CTNNA1: variants seen among roughly 807,000 people sequenced by gnomAD.
The protein encoded by CTNNA1 is catenin alpha-1.
Under a neutral mutation model 98.4 loss-of-function variants are expected in CTNNA1, and 37 were observed. That is an observed-to-expected ratio of 0.38 (90% CI 0.29 to 0.49). The LOEUF (loss-of-function observed/expected upper bound fraction) is 0.49. Ranked by LOEUF, CTNNA1 falls within the 20% of genes least tolerant of loss-of-function variation. CTNNA1 has a pLI of 0.95. For missense variants in CTNNA1, 761 were observed against 1,147.2 expected (o/e 0.66, Z 4.86); for synonymous variants, 404 against 413.2 (o/e 0.98, Z 0.27).
intron 1 of CTNNA1, among the ~76,000 whole-genome samples, chr5:138,775,804 C>T (rs559804601): frequency 6.8e-6 from 1 of 146,108 alleles, no homozygotes; most frequent in South Asian, 2.2e-4. Context: ...TTCACTGCAA[C>T]CTCCGCCTCC....
At position 138,873,539 on chromosome 5, in the gene CTNNA1, C is replaced by G. The variant is rs537690931; in HGVS notation, c.1063-12673C>G. 7.4e-6 allele frequency: 12 copies of G among 1,613,866 alleles called. No individual in the cohort carries two copies. The African/African-American group carries it at 1.5e-4, about 20-fold the overall frequency. On this transcript the variant is annotated intron_variant, in intron 7 of 17. Coordinates refer to ENST00000302763, the MANE Select transcript of CTNNA1 (RefSeq NM_001903.5). The surrounding 1 kb of genome is among the most constrained non-coding windows in gnomAD (Gnocchi z 6.1). The stretch of plus-strand genomic sequence containing the variant: ...ATCCTCTCCTTGGGTGTGGTCAGGA[C>G]TGTGGCATAGGATGGAGTGTTCCCA...
intron 7 of CTNNA1, chr5:138,869,471 C>T (rs1439121800): frequency 6.6e-6 from 1 of 151,410 alleles, no homozygotes; most frequent in Non-Finnish European, 1.5e-5. Flanking sequence ...CGCTGTATTC[C>T]TGTATTAGGA....
intron 9 of CTNNA1, among the ~76,000 whole-genome samples, chr5:138,893,414 G>A (rs1339610598): frequency 1.3e-5 from 2 of 151,938 alleles, no homozygotes; most frequent in Admixed American, 6.6e-5. Flanking sequence ...TCTTATGTAT[G>A]GCTTTGAAAC....
rs199994641 is a variant in CTNNA1, at chr5:138,933,926, A to G, written c.2558A>G (p.Asn853Ser). The change falls in exon 18 of 18, where the codon AAC becomes AGC. Residue 853 changes from asparagine to serine, a missense_variant. By Grantham distance (46) the Asn-to-Ser change is conservative (BLOSUM62 1). Around this residue, in one of 6 missense-constraint regions of CTNNA1, gnomAD observed 57 missense variants for 90.9 expected, o/e 0.63. Coordinates refer to ENST00000302763, the MANE Select transcript of CTNNA1 (RefSeq NM_001903.5). ...YQKSQGMASL[N>S]LPAVSWKMKA... is the part of the protein sequence containing the mutation. Reference sequence around the variant, plus strand: ...AAGTCACAGGGTATGGCTTCCCTCAACCTTCCTGCTGTGTCATGGAAGATG... The same window carrying G: ...AAGTCACAGGGTATGGCTTCCCTCAGCCTTCCTGCTGTGTCATGGAAGATG... The G allele has an allele frequency of 8.1e-5, 131 of 1,614,022 alleles. No homozygotes were observed. The highest frequency in any genetic ancestry group is 1.1e-4 in the Non-Finnish European group (125 of 1,180,040).
intron 11 of CTNNA1, among the ~76,000 whole-genome samples, chr5:138,920,169 A>G (rs1229273735): frequency 6.6e-6 from 1 of 151,834 alleles, no homozygotes; most frequent in African/African-American, 2.4e-5. Flanking sequence ...TAGGAGAGAC[A>G]AGGTTTCACC....
chr5:138,824,644 G>A lies in CTNNA1; in HGVS notation c.703G>A (p.Ala235Thr), dbSNP rs548392885. The A allele has an allele frequency of 1.8e-5, 29 of 1,614,026 alleles. No homozygotes were observed. Among genetic ancestry groups the A allele is most frequent in the African/African-American group, 5.3e-5 (4 of 74,900 alleles). Residue 235 changes from alanine to threonine, a missense_variant, in exon 6 of 18, where the codon GCA (alanine) becomes ACA (threonine). This residue lies in a region of CTNNA1 where 328 missense variants were observed against 354.3 expected (regional missense o/e 0.93). Coordinates refer to ENST00000302763, the MANE Select transcript of CTNNA1 (RefSeq NM_001903.5). ...SQACLQHPDV[A>T]AYKANRDLIY... ...GGCATGCCTACAGCACCCTGATGTC[G>A]CAGCCTATAAGGCCAACAGGGACCT...
intron 9 of CTNNA1, among the ~76,000 whole-genome samples, chr5:138,895,054 C>T (rs1756462570): frequency 6.6e-6 from 1 of 152,046 alleles, no homozygotes; most frequent in Non-Finnish European, 1.5e-5. Flanking sequence ...ATTTGTCTGG[C>T]CCCCACCCCA....
intron 7 of CTNNA1, among the ~76,000 whole-genome samples, chr5:138,876,448 C>T (rs1457193438): frequency 2.6e-5 from 4 of 152,206 alleles, no homozygotes; most frequent in Admixed American, 6.5e-5. Context: ...TTTCAGACCT[C>T]AGTTGTGGAT....
intron 3 of CTNNA1, among the ~76,000 whole-genome samples, chr5:138,799,650 C>G (rs778713684): frequency 1.3e-5 from 2 of 148,816 alleles, no homozygotes; most frequent in African/African-American, 2.5e-5. Flanking sequence ...GTAAGGATGA[C>G]CATTCAGAAG....
At chr5:138,924,302 C>G (rs1763549687) in intron 11 of CTNNA1, among the ~76,000 whole-genome samples, 1 of 86,108 alleles carries the variant, frequency 1.2e-5, no homozygotes, top group African/African-American at 3.5e-5. Flanking sequence ...TTTTAAAAAC[C>G]TGGAATGAAG....
At chr5:138,847,804 C>T (rs909083995) in intron 7 of CTNNA1, among the ~76,000 whole-genome samples, 27 of 152,150 alleles carry the variant, frequency 1.8e-4, no homozygotes, top group African/African-American at 6.5e-4. Flanking sequence ...GGGCAACTCC[C>T]ATTTCTGTTG....
At chr5:138,769,140 G>A (rs187961969) in intron 1 of CTNNA1, among the ~76,000 whole-genome samples, 163 of 151,844 alleles carry the variant, frequency 1.1e-3, no homozygotes, top group Middle Eastern at 3.4e-3. Flanking sequence ...TGATCCTCCC[G>A]CCTTGGCCTC....
chr5:138,825,482 G>GTTTTTTGTTTTTTTTTTTTTTTTTT (rs1554085136), intron 6 of CTNNA1, among the ~76,000 whole-genome samples: 1 of 74,114 alleles, frequency 1.3e-5, no homozygotes, highest in African/African-American at 5.8e-5. Flanking sequence ...AGCAGTATAA[G>GTTTTTTGTTTTTTTTTTTTTTTTTT]TTTTTTTTTT....
Position 138,934,090 on chromosome 5 carries a change from G to A in CTNNA1, c.*1G>A. 6.2e-7 allele frequency: 1 copy of A among 1,608,758 alleles called. No individual in the cohort carries two copies. On this transcript the variant is annotated 3_prime_UTR_variant, in exon 18 of 18. Transcript: ENST00000302763. Reference sequence around the variant, plus strand: ...GTTCAAAGCTATGGACAGCATCTAAGTCTGCCCAGGCCGGCCGCCCCCACC... The same window carrying A: ...GTTCAAAGCTATGGACAGCATCTAAATCTGCCCAGGCCGGCCGCCCCCACC...
chr5:138,756,447 G>A lies in CTNNA1; in HGVS notation c.-3+2937G>A, dbSNP rs1164238640. Among the ~76,000 whole-genome samples the A allele has an allele frequency of 2.6e-5, 4 of 152,124 alleles. No homozygotes were observed. The East Asian group carries it at 7.7e-4, about 29-fold the overall frequency. On this transcript the variant is annotated intron_variant, in intron 1 of 17. Transcript: ENST00000302763. ...CTCCTAAAGTGCTGGGATTACAGGTGTGAGCCACCGCACTTTCGGATTTCT... is the reference window on the plus strand; with the variant it reads ...CTCCTAAAGTGCTGGGATTACAGGTATGAGCCACCGCACTTTCGGATTTCT...
At chr5:138,825,569 C>T (rs1355289466) in intron 6 of CTNNA1, among the ~76,000 whole-genome samples, 1 of 132,288 alleles carries the variant, frequency 7.6e-6, no homozygotes, top group Non-Finnish European at 1.6e-5. Context: ...AAATTGTGTT[C>T]CAGGTGACCA....
At chr5:138,775,997 A>T (rs1187076579) in intron 1 of CTNNA1, among the ~76,000 whole-genome samples, 2 of 138,272 alleles carry the variant, frequency 1.4e-5, no homozygotes, top group Admixed American at 1.5e-4. Context: ...AAGTGCTGGG[A>T]TTACAGGTGT....
Position 138,929,232 on chromosome 5 carries a change from T to C in CTNNA1, c.1900-14T>C. On this transcript the variant is annotated splice_polypyrimidine_tract_variant and intron_variant, in intron 13 of 17. Transcript: ENST00000302763. ...AGAGATGTGTCTGACCTGTGATCTT[T>C]GTCTGGGTGGCAGACCCCTGAGGAG... is the stretch of plus-strand genomic sequence containing the variant. 7.0e-7 allele frequency: 1 copy of C among 1,438,434 alleles called. No individual in the cohort carries two copies. The highest frequency in any genetic ancestry group is 9.8e-7 in the Non-Finnish European group (1 of 1,019,638). 89.1% of individuals were successfully genotyped at this position (1,438,434 alleles called of 1,614,324 possible).
chr5:138,860,981 AG>A (rs1355052926), intron 7 of CTNNA1, among the ~76,000 whole-genome samples: 1 of 152,108 alleles, frequency 6.6e-6, no homozygotes, highest in African/African-American at 2.4e-5. Context: ...GTAAATTACA[AG>A]GGAAAATAGA....
Sources: gnomAD v4.1 joint callset for allele counts (sites outside exome capture counted in the v4.1 genomes callset) on GRCh38, gnomAD v4.1.1 for gene constraint, gnomAD v4.1.1 regional missense constraint, Gnocchi (gnomAD v3.1) non-coding constraint, MANE v1.5 for transcripts, NCBI Gene and HGNC (gene_info 2026-07-23, HGNC 2026-07-21) for gene names.